The following PTAFR variants were observed in gnomAD, a reference collection of about 807,000 sequenced individuals.
PTAFR encodes the protein platelet-activating factor receptor.
In PTAFR, 8 loss-of-function variants were observed where a neutral mutation model predicts 14.7. That is an observed-to-expected ratio of 0.54 (90% CI 0.32 to 0.98). The LOEUF is 0.98. Among genes scored for constraint, PTAFR ranks in the 50% least tolerant of loss-of-function variants. The pLI, the probability that PTAFR is intolerant of heterozygous loss-of-function variation, is 0.04. For missense variants in PTAFR, 337 were observed against 451.2 expected (o/e 0.75, Z 2.29); for synonymous variants, 156 against 176.5 (o/e 0.88, Z 0.92).
At chr1:28,192,514 C>T (rs1283638371) in intron 1 of PTAFR, among the ~76,000 whole-genome samples, 12 of 145,534 alleles carry the variant, frequency 8.2e-5, no homozygotes, top group African/African-American at 2.8e-4. Flanking sequence ...GCCAAGATCA[C>T]GCCATTGCAC....
At chr1:28,175,723 T>A (rs924817282) in intron 1 of PTAFR, among the ~76,000 whole-genome samples, 8 of 152,010 alleles carry the variant, frequency 5.3e-5, no homozygotes, top group Non-Finnish European at 1.0e-4. Flanking sequence ...CAGCACCCCC[T>A]TCCCCACCCC....
intron 1 of PTAFR, among the ~76,000 whole-genome samples, chr1:28,153,802 C>T (rs942125014): frequency 1.3e-5 from 2 of 151,704 alleles, no homozygotes; most frequent in African/African-American, 4.8e-5. Context: ...GCAGGAGAAT[C>T]GCTTAAACCC....
In PTAFR at chr1:28,149,671, G is replaced by C. The variant is rs920439048; in HGVS notation, c.*322C>G. 1.3e-5 allele frequency: 4 copies of C among 303,998 alleles called. No homozygotes were observed. Among genetic ancestry groups the C allele is most frequent in the Non-Finnish European group, 2.5e-5 (4 of 162,058 alleles). 18.8% of individuals were successfully genotyped at this position (303,998 alleles called of 1,614,324 possible). A position where few individuals can be genotyped will look rare whatever the true frequency, so the allele number is the denominator to read the frequency against. On this transcript the variant is annotated 3_prime_UTR_variant, in exon 2 of 2. Transcript: ENST00000373857. ...ACCGATGCCCCATCGGGGAGAACTA[G>C]GTGGTTTAAAGTCTTCCCCCAAGGT... is the stretch of plus-strand genomic sequence containing the variant.
chr1:28,165,549 C>T (rs1386705484), intron 1 of PTAFR, among the ~76,000 whole-genome samples: 8 of 151,392 alleles, frequency 5.3e-5, no homozygotes, highest in African/African-American at 1.9e-4. Flanking sequence ...TTTGAGAGGC[C>T]GAGACAGGCG....
At chr1:28,173,378 G>A (rs1288009012) in intron 1 of PTAFR, among the ~76,000 whole-genome samples, 1 of 151,862 alleles carries the variant, frequency 6.6e-6, no homozygotes, top group Non-Finnish European at 1.5e-5. Context: ...GGCCAAGGCA[G>A]GCGGATTGCT....
At chr1:28,167,950 CTTTTTTTTT>C (rs33965504) in intron 1 of PTAFR, among the ~76,000 whole-genome samples, 2 of 38,190 alleles carry the variant, frequency 5.2e-5, no homozygotes, top group East Asian at 9.4e-4. Flanking sequence ...AAAACCAGAT[CTTTTTTTTT>C]TTTTTTTTTT....
At chr1:28,175,370 G>A (rs1015463397) in intron 1 of PTAFR, among the ~76,000 whole-genome samples, 5 of 151,884 alleles carry the variant, frequency 3.3e-5, no homozygotes, top group South Asian at 4.2e-4. Context: ...CTCTTTCTCC[G>A]GCGGTTTGTC....
At chr1:28,168,263 G>A (rs528490885) in intron 1 of PTAFR, among the ~76,000 whole-genome samples, 8 of 151,822 alleles carry the variant, frequency 5.3e-5, no homozygotes, top group Admixed American at 1.3e-4. Flanking sequence ...GAGCCACCGC[G>A]CCCGGCAGAA....
At chr1:28,184,725 C>T (rs1646591932) in intron 1 of PTAFR, among the ~76,000 whole-genome samples, 1 of 152,086 alleles carries the variant, frequency 6.6e-6, no homozygotes. Context: ...CTGCAACCTC[C>T]TCTTCCTGAG....
At chr1:28,190,636 G>A (rs1439982235) in intron 1 of PTAFR, among the ~76,000 whole-genome samples, 1 of 152,156 alleles carries the variant, frequency 6.6e-6, no homozygotes, top group Non-Finnish European at 1.5e-5. Context: ...ACAATATCAA[G>A]GATAGACAAT....
intron 1 of PTAFR, among the ~76,000 whole-genome samples, chr1:28,151,667 A>G (rs7516305): frequency 6.6e-6 from 1 of 151,880 alleles, no homozygotes; most frequent in Non-Finnish European, 1.5e-5. Context: ...CTCACACAAA[A>G]AAAAAAAATA....
chr1:28,148,479 TTTTG>T lies in PTAFR; in HGVS notation c.*1510_*1513del, dbSNP rs781495776. On this transcript the variant is annotated 3_prime_UTR_variant, in exon 2 of 2. Transcript: ENST00000373857. ...GCCTGGACAGCTCCAATTTTGCCTT[TTTTG>T]TTTGTTTGTTTGTTTTTGACACAGA... 2.2e-3 allele frequency: 337 copies of T among 152,916 alleles called. 1 individual carries two copies. Among genetic ancestry groups the T allele is most frequent in the African/African-American group, 7.4e-3 (308 of 41,558 alleles). The allele number at this position is 152,916 out of a possible 1,614,324, so 9.5% of individuals were successfully genotyped here. A position where few individuals can be genotyped will look rare whatever the true frequency, so the allele number is the denominator to read the frequency against.
intron 1 of PTAFR, among the ~76,000 whole-genome samples, chr1:28,188,338 T>C (rs561929737): frequency 1.3e-5 from 2 of 152,082 alleles, no homozygotes; most frequent in Non-Finnish European, 2.9e-5. Flanking sequence ...CCCAGCTACT[T>C]AGGAGGCTGA....
Position 28,147,764 on chromosome 1 carries a change from T to G in PTAFR, c.*2229A>C, listed in dbSNP as rs1423084148. 6.6e-6 allele frequency: 1 copy of G among 152,174 alleles called. No individual in the cohort carries two copies. The highest frequency in any genetic ancestry group is 1.5e-5 in the Non-Finnish European group (1 of 68,044). The allele number at this position is 152,174 out of a possible 1,614,324, so 9.4% of individuals were successfully genotyped here. ...GAGGGTCTAAGATGAGCAGTCACCC[T>G]GCCAAGAGGTGTCTGCCTCAACATT... On this transcript the variant is annotated 3_prime_UTR_variant, in exon 2 of 2. Transcript: ENST00000373857.
In PTAFR at chr1:28,150,722, G is replaced by A; in HGVS notation, c.300C>T (p.Asn100=). The A allele has an allele frequency of 6.2e-7, 1 of 1,614,200 alleles. No individual in the cohort carries two copies. The highest frequency in any genetic ancestry group is 1.7e-5 in the Admixed American group (1 of 60,020). The stretch of plus-strand genomic sequence containing the variant: ...CCAGGAAGGCCACAGAGCAGTAGGT[G>A]TTGATGAAGAAAAGGCAGCCAGCCA... ...CNVAGCLFFI[N]TYCSVAFLGV... Residue 100 remains asparagine, a synonymous_variant, in exon 2 of 2, where the codon AAC becomes AAT. Coordinates refer to ENST00000373857, the MANE Select transcript of PTAFR (RefSeq NM_000952.5). This position sits in a 1 kb window ranked among gnomAD's most constrained non-coding sequence, Gnocchi z 6.3.
intron 1 of PTAFR, among the ~76,000 whole-genome samples, chr1:28,167,739 G>A (rs895200781): frequency 1.1e-4 from 14 of 130,362 alleles, no homozygotes; most frequent in Admixed American, 9.4e-5. Context: ...TCCGCCTCCC[G>A]CGTTCAAGCG....
At chr1:28,167,513 A>G (rs1233827322) in intron 1 of PTAFR, among the ~76,000 whole-genome samples, 1 of 152,144 alleles carries the variant, frequency 6.6e-6, no homozygotes, top group Non-Finnish European at 1.5e-5. Context: ...GGATTCCAAA[A>G]CGGTGCAGCC....
intron 1 of PTAFR, among the ~76,000 whole-genome samples, chr1:28,170,559 A>C (rs1175148229): frequency 6.6e-6 from 1 of 152,148 alleles, no homozygotes; most frequent in African/African-American, 2.4e-5. Flanking sequence ...AAATTAAAAA[A>C]AAAATTAGCC....
chr1:28,174,791 A>G (rs1391525448), intron 1 of PTAFR, among the ~76,000 whole-genome samples: 2 of 152,366 alleles, frequency 1.3e-5, no homozygotes, highest in Non-Finnish European at 2.9e-5. Flanking sequence ...GTTTAACAGC[A>G]GGAATCCCAG....
Sources: gnomAD v4.1 joint callset for allele counts (sites outside exome capture counted in the v4.1 genomes callset) on GRCh38, gnomAD v4.1.1 for gene constraint, Gnocchi (gnomAD v3.1) non-coding constraint, MANE v1.5 for transcripts, NCBI Gene and HGNC (gene_info 2026-07-23, HGNC 2026-07-21) for gene names.